PLPP4: variants seen among roughly 807,000 people sequenced by gnomAD.
PLPP4 encodes diacylglycerol pyrophosphate like 2.
In PLPP4, 20 loss-of-function variants were observed where a neutral mutation model predicts 32.2. That is an observed-to-expected ratio of 0.62 (90% CI 0.44 to 0.90). PLPP4 has a LOEUF of 0.90. Among genes scored for constraint, PLPP4 ranks in the 40% least tolerant of loss-of-function variants. PLPP4 has a pLI of 0.00. For missense variants in PLPP4, 257 were observed against 353.1 expected, an observed-to-expected ratio of 0.73 and a Z score of 2.18; for synonymous variants, 127 against 133.0, an observed-to-expected ratio of 0.95 and a Z score of 0.31.
intron 1 of PLPP4, among the ~76,000 whole-genome samples, chr10:120,478,865 C>G (rs1564784303): frequency 1.3e-5 from 2 of 152,180 alleles, no homozygotes. Flanking sequence ...GATGAACAAC[C>G]TGGAACATTC....
intron 1 of PLPP4, among the ~76,000 whole-genome samples, chr10:120,463,236 C>T (rs571363292): frequency 6.6e-6 from 1 of 152,152 alleles, no homozygotes; most frequent in African/African-American, 2.4e-5. Context: ...CCATGTTAGC[C>T]AGGATGGTCT....
At chr10:120,476,183 G>A (rs1442646987) in intron 1 of PLPP4, among the ~76,000 whole-genome samples, 1 of 152,230 alleles carries the variant, frequency 6.6e-6, no homozygotes, top group East Asian at 1.9e-4. Context: ...GAGGACATCA[G>A]GGACACGTTT....
At chr10:120,539,186 G>A (rs1001327515) in intron 5 of PLPP4, among the ~76,000 whole-genome samples, 2 of 152,140 alleles carry the variant, frequency 1.3e-5, no homozygotes, top group African/African-American at 4.8e-5. Context: ...AACCCATGCT[G>A]CCTGTGCTTG....
intron 1 of PLPP4, among the ~76,000 whole-genome samples, chr10:120,469,469 C>A (rs901637102): frequency 6.6e-6 from 1 of 152,074 alleles, no homozygotes; most frequent in Non-Finnish European, 1.5e-5. Context: ...CCTCGTGATC[C>A]GCCCACCTGG....
Position 120,457,322 on chromosome 10 carries a change from T to C in PLPP4, c.17T>C (p.Ile6Thr), listed in dbSNP as rs1440151337. 23 of 1,530,710 alleles carry C rather than the reference T, an allele frequency of 1.5e-5. No individual in the cohort carries two copies. The highest frequency in any genetic ancestry group is 2.6e-5 in the East Asian group (1 of 38,650). 94.8% of individuals were successfully genotyped at this position (1,530,710 alleles called of 1,614,324 possible). The change falls in exon 1 of 7, where the codon ATT (isoleucine) becomes ACT (threonine). Residue 6 changes from isoleucine (I) to threonine (T), a missense_variant. By Grantham distance (89) the Ile-to-Thr change is moderately conservative. Transcript: ENST00000398250. ...GGCCGCACCATGCGGGAGCTGGCCA[T>C]TGAGATCGGGGTGCGAGCCCTGCTC... MRELA[I>T]EIGVRALLFG...
intron 5 of PLPP4, among the ~76,000 whole-genome samples, chr10:120,573,254 A>G (rs571417276): frequency 6.6e-6 from 1 of 152,346 alleles, no homozygotes; most frequent in African/African-American, 2.4e-5. Context: ...CTTTTGCTGC[A>G]TCTTTATACC....
chr10:120,530,353 CT>C (rs1846646691), intron 5 of PLPP4, among the ~76,000 whole-genome samples: 2 of 151,544 alleles, frequency 1.3e-5, no homozygotes, highest in Non-Finnish European at 2.9e-5. Context: ...GTTTTTTTGT[CT>C]TTTTTAAACT....
intron 5 of PLPP4, among the ~76,000 whole-genome samples, chr10:120,555,061 T>C (rs1848090277): frequency 6.6e-6 from 1 of 151,982 alleles, no homozygotes; most frequent in South Asian, 2.1e-4. Flanking sequence ...TCCCAGTGGC[T>C]GTCAGATTAC....
intron 1 of PLPP4, among the ~76,000 whole-genome samples, chr10:120,465,624 C>G (rs191756044): frequency 4.6e-5 from 7 of 152,272 alleles, no homozygotes; most frequent in Admixed American, 4.6e-4. Context: ...TTAGTTTGAA[C>G]CATATGAAAT....
At chr10:120,580,841 C>A in intron 6 of PLPP4, 1 of 1,265,702 alleles carries the variant, frequency 7.9e-7, no homozygotes, top group South Asian at 1.2e-5. Flanking sequence ...CACTGAAATT[C>A]TCCCTCTAAT....
intron 6 of PLPP4, among the ~76,000 whole-genome samples, chr10:120,580,004 C>T (rs12259494): frequency 0.089 from 13,379 of 149,676 alleles, 874 homozygotes; most frequent in African/African-American, 0.17. Flanking sequence ...CCTGTAGTCC[C>T]AGCTACTCGG....
At chr10:120,558,709 G>A (rs752833114) in intron 5 of PLPP4, among the ~76,000 whole-genome samples, 1 of 152,022 alleles carries the variant, frequency 6.6e-6, no homozygotes, top group Non-Finnish European at 1.5e-5. Context: ...GAGCCACCAC[G>A]CCCAGGCTAA....
At chr10:120,563,187 G>A (rs763799529) in intron 5 of PLPP4, among the ~76,000 whole-genome samples, 6 of 152,168 alleles carry the variant, frequency 3.9e-5, no homozygotes, top group Non-Finnish European at 5.9e-5. Context: ...CGCGGTGTGC[G>A]GAGATCGCGC....
Position 120,520,958 on chromosome 10 carries a change from G to A in PLPP4, c.321-13G>A, listed in dbSNP as rs767929428. The A allele has an allele frequency of 6.2e-6, 10 of 1,613,994 alleles. No homozygotes were observed. In the South Asian group the frequency reaches 9.9e-5, roughly 16 times the overall value. On this transcript the variant is annotated splice_polypyrimidine_tract_variant and intron_variant, in intron 4 of 6. Transcript: ENST00000398250. ...GCATTTTATATTGAAAATGTCCATG[G>A]TGTCTTTTGTAGACCTCGCCCCGAT... is the stretch of plus-strand genomic sequence containing the variant.
At chr10:120,526,052 C>T (rs1846374006) in intron 5 of PLPP4, among the ~76,000 whole-genome samples, 1 of 152,036 alleles carries the variant, frequency 6.6e-6, no homozygotes. Context: ...TTTTTAGTAT[C>T]TCTTCTTTCC....
At chr10:120,524,025 G>C (rs1462346322) in intron 5 of PLPP4, among the ~76,000 whole-genome samples, 1 of 152,192 alleles carries the variant, frequency 6.6e-6, no homozygotes, top group Non-Finnish European at 1.5e-5. Flanking sequence ...AATGGTGGCT[G>C]ACATCTGATC....
chr10:120,521,358 A>G (rs1846147423), intron 5 of PLPP4, among the ~76,000 whole-genome samples: 1 of 152,210 alleles, frequency 6.6e-6, no homozygotes, highest in African/African-American at 2.4e-5. Context: ...TTACCCCTGC[A>G]CAGTACGATT....
intron 5 of PLPP4, among the ~76,000 whole-genome samples, chr10:120,554,943 A>C (rs1848086142): frequency 6.6e-6 from 1 of 152,112 alleles, no homozygotes. Context: ...ATCACCCTGC[A>C]TACGTCCAGC....
chr10:120,496,895 G>A (rs1844989263), intron 1 of PLPP4, among the ~76,000 whole-genome samples: 3 of 137,308 alleles, frequency 2.2e-5, no homozygotes, highest in African/African-American at 2.7e-5. Flanking sequence ...TAGGGAGAGA[G>A]AGAGAGAGAA....
Sources: gnomAD v4.1 joint callset for allele counts (sites outside exome capture counted in the v4.1 genomes callset) on GRCh38, gnomAD v4.1.1 for gene constraint, MANE v1.5 for transcripts, NCBI Gene and HGNC (gene_info 2026-07-23, HGNC 2026-07-21) for gene names.